HTR2C: variants seen among roughly 807,000 people sequenced by gnomAD.
HTR2C encodes 5-hydroxytryptamine receptor 2C.
HTR2C carries 5 observed loss-of-function variants against 21.0 expected under a neutral mutation model. The ratio of observed to expected loss-of-function variants is 0.24; its 90% CI spans 0.12 to 0.50. HTR2C has a LOEUF of 0.50. Ranked by LOEUF, HTR2C falls within the 20% of genes least tolerant of loss-of-function variation. HTR2C has a pLI of 0.98. For synonymous variants in HTR2C, 150 were observed against 145.3 expected (o/e 1.03, Z -0.23); for missense variants, 271 against 371.2 (o/e 0.73, Z 2.22).
intron 4 of HTR2C, among the ~76,000 whole-genome samples, chrX:114,778,956 T>C (rs2070087711): frequency 9.0e-6 from 1 of 111,380 alleles, no homozygotes; most frequent in Non-Finnish European, 1.9e-5. Flanking sequence ...AAATGAAGAA[T>C]AAATATATAT....
chrX:114,856,315 TA>T (rs1178946309), intron 5 of HTR2C, among the ~76,000 whole-genome samples: 1 of 97,443 alleles, frequency 1.0e-5, no homozygotes, highest in African/African-American at 3.8e-5. Context: ...CTCAAGGAAA[TA>T]AAAGAGGATA....
chrX:114,897,600 T>C (rs782361598), intron 5 of HTR2C, among the ~76,000 whole-genome samples: 7 of 111,558 alleles, frequency 6.3e-5, no homozygotes, highest in Non-Finnish European at 1.1e-4. Flanking sequence ...TGTTCCTCGC[T>C]ATGTGTCCAT....
chrX:114,694,484 T>C (rs1193543304), intron 2 of HTR2C, among the ~76,000 whole-genome samples: 2 of 8,795 alleles, frequency 2.3e-4, no homozygotes, highest in African/African-American at 6.0e-4. Flanking sequence ...TATATATATA[T>C]ATATATATAC....
At chrX:114,900,462 C>A in intron 5 of HTR2C, 1 of 164,323 alleles carries the variant, frequency 6.1e-6, no homozygotes, top group South Asian at 1.1e-4. Flanking sequence ...TATCTCATAT[C>A]ATAAAGAGCA....
rs782412016 is a variant in HTR2C, at chrX:114,871,917, C to G, written c.550+23714C>G. On this transcript the variant is annotated intron_variant, in intron 5 of 5. Transcript: ENST00000276198. ...GGCTTGCATGTTTCTAGGAATTTTTCCATTTCATATAGATTTCCAAATTAT... is the reference window on the plus strand; with the variant it reads ...GGCTTGCATGTTTCTAGGAATTTTTGCATTTCATATAGATTTCCAAATTAT... 2.8e-5 allele frequency among the ~76,000 whole-genome samples: 3 copies of G among 108,539 alleles called. No individual in the cohort carries two copies. In the South Asian group the frequency reaches 1.2e-3, roughly 44 times the overall value. 94.3% of individuals were successfully genotyped at this position (108,539 alleles called of 115,157 possible). A position where few individuals can be genotyped will look rare whatever the true frequency, so the allele number is the denominator to read the frequency against.
At position 114,907,871 on chromosome X, in the gene HTR2C, ATTCT is replaced by A; in HGVS notation, c.*458_*461del. ...GGTTAACAGTAAATATACACTTTAC[ATTCT>A]TGCTCTGCTCATCTACACATATAAA... On this transcript the variant is annotated 3_prime_UTR_variant, in exon 6 of 6. Transcript: ENST00000276198. 73 of 121,218 alleles carry A rather than the reference ATTCT, an allele frequency of 6.0e-4. No individual in the cohort carries two copies. Among genetic ancestry groups the A allele is most frequent in the South Asian group, 2.4e-3 (8 of 3,300 alleles). 10.0% of individuals were successfully genotyped at this position (121,218 alleles called of 1,213,427 possible). A position where few individuals can be genotyped will look rare whatever the true frequency, so the allele number is the denominator to read the frequency against.
At chrX:114,724,291 G>T (rs1168831666) in intron 2 of HTR2C, among the ~76,000 whole-genome samples, 1 of 97,735 alleles carries the variant, frequency 1.0e-5, no homozygotes, top group African/African-American at 3.6e-5. Context: ...TGTCTCTTTT[G>T]ATCTTTGTTG....
At chrX:114,772,014 A>G (rs1556437010) in intron 4 of HTR2C, among the ~76,000 whole-genome samples, 1 of 112,345 alleles carries the variant, frequency 8.9e-6, no homozygotes, top group East Asian at 2.8e-4. Flanking sequence ...GTGAGAGGGG[A>G]ATGAAAGTAG....
chrX:114,724,329 G>A (rs782585475), intron 2 of HTR2C, among the ~76,000 whole-genome samples: 77 of 101,628 alleles, frequency 7.6e-4, no homozygotes, highest in African/African-American at 2.5e-3. Context: ...TCAGAGACTC[G>A]GATTGCAACC....
intron 4 of HTR2C, among the ~76,000 whole-genome samples, chrX:114,762,883 C>A (rs2069894991): frequency 8.9e-6 from 1 of 111,929 alleles, no homozygotes; most frequent in Non-Finnish European, 1.9e-5. Context: ...CCACATTCAC[C>A]CCTGTGCTAA....
In HTR2C at chrX:114,779,787, T is replaced by C. The variant is rs782195238; in HGVS notation, c.349+48180T>C. The stretch of plus-strand genomic sequence containing the variant: ...CTTATTTGTAGGAGGATTGGAGACA[T>C]TGGGTACAAGAAGATACTTTGTAAG... On this transcript the variant is annotated intron_variant, in intron 4 of 5. Transcript: ENST00000276198. Among the ~76,000 whole-genome samples the C allele has an allele frequency of 2.9e-4, 33 of 112,029 alleles. No individual in the cohort carries two copies. The East Asian group carries it at 8.4e-3, about 29-fold the overall frequency.
chrX:114,643,130 G>A (rs144468053), intron 2 of HTR2C, among the ~76,000 whole-genome samples: 1,691 of 111,090 alleles, frequency 0.015, 14 homozygotes, highest in Non-Finnish European at 0.021. Context: ...GCTGTTTTGG[G>A]GGTTCACACT....
At chrX:114,893,879 T>TG (rs2147529695) in intron 5 of HTR2C, among the ~76,000 whole-genome samples, 1 of 112,180 alleles carries the variant, frequency 8.9e-6, no homozygotes, top group South Asian at 3.7e-4. Flanking sequence ...GGAAAAATCT[T>TG]GAACACTTTA....
At chrX:114,878,090 A>G (rs956464024) in intron 5 of HTR2C, among the ~76,000 whole-genome samples, 7 of 110,047 alleles carry the variant, frequency 6.4e-5, no homozygotes, top group African/African-American at 2.3e-4. Flanking sequence ...TTGTATTCCT[A>G]TTTCTCCCAT....
At chrX:114,606,980 G>A (rs191366204) in intron 1 of HTR2C, among the ~76,000 whole-genome samples, 1,114 of 108,020 alleles carry the variant, frequency 0.01, 23 homozygotes, top group African/African-American at 0.036. Context: ...GTTCTCTGGC[G>A]GGCAGGAGTG....
intron 4 of HTR2C, among the ~76,000 whole-genome samples, chrX:114,788,979 C>A (rs2070205080): frequency 9.0e-6 from 1 of 111,621 alleles, no homozygotes; most frequent in African/African-American, 3.3e-5. Flanking sequence ...GTCAATATAT[C>A]TCATATTCAA....
At chrX:114,830,112 C>T (rs2070708257) in intron 4 of HTR2C, among the ~76,000 whole-genome samples, 1 of 111,530 alleles carries the variant, frequency 9.0e-6, no homozygotes, top group African/African-American at 3.3e-5. Context: ...ATGAACATGG[C>T]CTAACTTTCA....
intron 1 of HTR2C, among the ~76,000 whole-genome samples, chrX:114,590,687 T>C (rs1927591467): frequency 8.9e-6 from 1 of 112,203 alleles, no homozygotes; most frequent in African/African-American, 3.2e-5. Flanking sequence ...TGATTTCAGG[T>C]AATTTCTCTG....
At chrX:114,869,032 C>T (rs1286956861) in intron 5 of HTR2C, among the ~76,000 whole-genome samples, 1 of 109,464 alleles carries the variant, frequency 9.1e-6, no homozygotes, top group Non-Finnish European at 1.9e-5. Flanking sequence ...TGATGTTCCC[C>T]GCCCTCTGTC....
Sources: gnomAD v4.1 joint callset for allele counts (sites outside exome capture counted in the v4.1 genomes callset) on GRCh38, gnomAD v4.1.1 for gene constraint, MANE v1.5 for transcripts, NCBI Gene and HGNC (gene_info 2026-07-23, HGNC 2026-07-21) for gene names.